DLGAP2: variants seen among roughly 807,000 people sequenced by gnomAD.
DLGAP2 encodes DLG associated protein 2.
A neutral mutation model predicts 100.3 loss-of-function variants in DLGAP2; 26 were observed. That is an observed-to-expected ratio of 0.26 (90% CI 0.19 to 0.36). The LOEUF is 0.36. Among genes scored for constraint, DLGAP2 ranks in the 10% least tolerant of loss-of-function variants. The pLI is 1.00. For synonymous variants in DLGAP2, 886 were observed against 630.1 expected, an observed-to-expected ratio of 1.41 and a Z score of -6.08; for missense variants, 1,858 against 1,453.2, an observed-to-expected ratio of 1.28 and a Z score of -4.53.
At chr8:826,388 T>C (rs555678983) in intron 1 of DLGAP2, among the ~76,000 whole-genome samples, 1 of 152,348 alleles carries the variant, frequency 6.6e-6, no homozygotes, top group East Asian at 1.9e-4. Flanking sequence ...CTCATGTCTG[T>C]CTTGGTCTTT....
At chr8:1,344,536 T>A (rs1192984354) in intron 3 of DLGAP2, among the ~76,000 whole-genome samples, 1 of 152,184 alleles carries the variant, frequency 6.6e-6, no homozygotes, top group Non-Finnish European at 1.5e-5. Flanking sequence ...ATATTCACAT[T>A]TTCTCCATAA....
At chr8:1,305,425 G>T (rs1420701537) in intron 3 of DLGAP2, among the ~76,000 whole-genome samples, 1 of 152,158 alleles carries the variant, frequency 6.6e-6, no homozygotes, top group Non-Finnish European at 1.5e-5. Context: ...AGTCCTTACA[G>T]TTTTCATGAG....
intron 6 of DLGAP2, chr8:1,621,410 A>C (rs1405743103): frequency 1.3e-5 from 2 of 152,622 alleles, no homozygotes; most frequent in African/African-American, 4.8e-5. Context: ...TGTTAGCTGC[A>C]CTGGGACCAG....
chr8:1,309,611 C>A (rs950030186), intron 3 of DLGAP2, among the ~76,000 whole-genome samples: 5 of 152,188 alleles, frequency 3.3e-5, no homozygotes, highest in Admixed American at 6.5e-5. Context: ...CATAAAAGGA[C>A]AGCGGCATTA....
At chr8:1,052,750 C>T (rs900014216) in intron 2 of DLGAP2, among the ~76,000 whole-genome samples, 4 of 152,148 alleles carry the variant, frequency 2.6e-5, no homozygotes, top group African/African-American at 7.2e-5. Context: ...TCTAGGGGCT[C>T]GGTTACACAC....
chr8:953,366 G>A (rs149252253), intron 2 of DLGAP2, among the ~76,000 whole-genome samples: 3,465 of 152,040 alleles, frequency 0.023, 73 homozygotes, highest in Non-Finnish European at 0.029. Flanking sequence ...GCTAATTTTT[G>A]TATTTTTAGC....
intron 2 of DLGAP2, among the ~76,000 whole-genome samples, chr8:940,504 A>G (rs1799171142): frequency 6.6e-6 from 1 of 152,054 alleles, no homozygotes; most frequent in Non-Finnish European, 1.5e-5. Context: ...CTGTGAGTGT[A>G]TTGTGAGGAA....
chr8:1,042,081 A>G (rs987673227), intron 2 of DLGAP2, among the ~76,000 whole-genome samples: 1 of 152,168 alleles, frequency 6.6e-6, no homozygotes, highest in Non-Finnish European at 1.5e-5. Flanking sequence ...CCGTGTCCTC[A>G]GACTGCAAAC....
At chr8:1,037,107 C>A (rs749086723) in intron 2 of DLGAP2, among the ~76,000 whole-genome samples, 1 of 152,030 alleles carries the variant, frequency 6.6e-6, no homozygotes. Flanking sequence ...AGTGTGGCTC[C>A]TGCCCATGGT....
chr8:1,088,622 C>T (rs944265192), intron 2 of DLGAP2, among the ~76,000 whole-genome samples: 1 of 152,092 alleles, frequency 6.6e-6, no homozygotes, highest in African/African-American at 2.4e-5. Context: ...GGCAGAAGAA[C>T]GTTACTTGCT....
At chr8:1,087,665 C>T (rs1387556978) in intron 2 of DLGAP2, among the ~76,000 whole-genome samples, 3 of 152,024 alleles carry the variant, frequency 2.0e-5, no homozygotes, top group South Asian at 2.1e-4. Flanking sequence ...CTTTGATTCC[C>T]TGGAGCTAAA....
intron 2 of DLGAP2, among the ~76,000 whole-genome samples, chr8:1,075,307 G>T (rs934008067): frequency 6.6e-6 from 1 of 152,162 alleles, no homozygotes; most frequent in African/African-American, 2.4e-5. Context: ...GGATCCCTAG[G>T]AGAGCAGGCG....
At chr8:1,391,573 C>A (rs1386875425) in intron 3 of DLGAP2, among the ~76,000 whole-genome samples, 1 of 152,148 alleles carries the variant, frequency 6.6e-6, no homozygotes, top group African/African-American at 2.4e-5. Context: ...ACATGTTCCA[C>A]CATGGATGCC....
At chr8:974,900 A>G (rs1266460036) in intron 2 of DLGAP2, among the ~76,000 whole-genome samples, 2 of 152,214 alleles carry the variant, frequency 1.3e-5, no homozygotes, top group Non-Finnish European at 2.9e-5. Flanking sequence ...TGAATGAGAA[A>G]AGAAATCAAT....
chr8:1,339,862 C>T (rs1365495911), intron 3 of DLGAP2, among the ~76,000 whole-genome samples: 1 of 152,184 alleles, frequency 6.6e-6, no homozygotes, highest in African/African-American at 2.4e-5. Context: ...AAAGGTGGAA[C>T]TTATTTTTTT....
At chr8:1,599,153 C>T (rs1270507112) in intron 6 of DLGAP2, among the ~76,000 whole-genome samples, 6 of 152,136 alleles carry the variant, frequency 3.9e-5, no homozygotes, top group East Asian at 1.9e-4. Flanking sequence ...GCAAGTTGTT[C>T]AGTTTCCATG....
At chr8:1,666,263 G>T (rs1798541540) in intron 8 of DLGAP2, among the ~76,000 whole-genome samples, 1 of 152,078 alleles carries the variant, frequency 6.6e-6, no homozygotes, top group African/African-American at 2.4e-5. Flanking sequence ...ACAGGATTTT[G>T]AATGTTTGTC....
At chr8:988,719 G>C (rs1346601155) in intron 2 of DLGAP2, among the ~76,000 whole-genome samples, 1 of 152,048 alleles carries the variant, frequency 6.6e-6, no homozygotes, top group Non-Finnish European at 1.5e-5. Flanking sequence ...CTGTCCACCT[G>C]CCCTCTGGTT....
intron 8 of DLGAP2, among the ~76,000 whole-genome samples, chr8:1,641,022 C>T (rs567678638): frequency 6.6e-6 from 1 of 152,224 alleles, no homozygotes; most frequent in East Asian, 1.9e-4. Context: ...GACCCAAGCT[C>T]TCCTGGCTGT....
Sources: gnomAD v4.1 joint callset for allele counts (sites outside exome capture counted in the v4.1 genomes callset) on GRCh38, gnomAD v4.1.1 for gene constraint, MANE v1.5 for transcripts, NCBI Gene and HGNC (gene_info 2026-07-23, HGNC 2026-07-21) for gene names.